Variants in INPP5B observed in about 807,000 individuals in gnomAD.
INPP5B encodes type II inositol 1,4,5-trisphosphate 5-phosphatase.
In INPP5B, 90 loss-of-function variants were observed where a neutral mutation model predicts 118.5. That is an observed-to-expected ratio of 0.76 (90% CI 0.64 to 0.90). The LOEUF is 0.90. Among genes scored for constraint, INPP5B ranks in the 40% least tolerant of loss-of-function variants. INPP5B has a pLI of 0.00. For missense variants in INPP5B, 984 were observed against 1,125.6 expected, an observed-to-expected ratio of 0.87 and a Z score of 1.80; for synonymous variants, 385 against 418.9, an observed-to-expected ratio of 0.92 and a Z score of 0.99.
intron 3 of INPP5B, 46 bp downstream of exon 3, chr1:37,945,710 A>G: frequency 6.9e-7 from 1 of 1,453,102 alleles, no homozygotes; most frequent in Non-Finnish European, 9.6e-7. Context: ...TGCAGTGATG[A>G]ACAACCCCAT....
intron 6 of INPP5B, among the ~76,000 whole-genome samples, chr1:37,932,368 T>C (rs1479757826): frequency 2.9e-4 from 40 of 137,268 alleles, no homozygotes; most frequent in African/African-American, 9.6e-4. Context: ...CTTTTCTTTT[T>C]TTTTTTTTTT....
At chr1:37,879,335 C>T (rs1643050751) in intron 15 of INPP5B, among the ~76,000 whole-genome samples, 1 of 151,646 alleles carries the variant, frequency 6.6e-6, no homozygotes, top group African/African-American at 2.4e-5. Flanking sequence ...GGTTCAAATC[C>T]TACCTGTACC....
At chr1:37,909,226 C>T (rs1644601659) in intron 7 of INPP5B, among the ~76,000 whole-genome samples, 1 of 152,114 alleles carries the variant, frequency 6.6e-6, no homozygotes, top group Admixed American at 6.5e-5. Flanking sequence ...TTTCTTCTTT[C>T]TCTCCTGTCT....
intron 7 of INPP5B, among the ~76,000 whole-genome samples, chr1:37,926,441 G>A (rs981044614): frequency 2.0e-5 from 3 of 151,970 alleles, no homozygotes; most frequent in Admixed American, 6.6e-5. Context: ...ACGCCACCAC[G>A]CCCAGCTAAT....
chr1:37,888,303 T>C lies in INPP5B; in HGVS notation c.839A>G (p.Lys280Arg), dbSNP rs769532489. The change falls in exon 10 of 24, where the codon AAA (lysine) becomes AGA (arginine). Residue 280 changes from lysine (K) to arginine (R), a missense_variant. By Grantham distance (26) the Lys-to-Arg change is conservative (BLOSUM62 2). This residue lies in a region of INPP5B where 634 missense variants were observed against 791.0 expected (regional missense o/e 0.80). Transcript: ENST00000373024. ...GTYNVNGQSPKECLRLWLSNG... is the reference protein window; with the variant it reads ...GTYNVNGQSPRECLRLWLSNG... Reference sequence around the variant, plus strand: ...GCTCAGCCACAGCCGGAGGCATTCTTTGGGGGACTGCCCATTTACATTGTA... The same window carrying C: ...GCTCAGCCACAGCCGGAGGCATTCTCTGGGGGACTGCCCATTTACATTGTA... 3 of 1,577,848 alleles carry C rather than the reference T, an allele frequency of 1.9e-6. No individual in the cohort carries two copies. The highest frequency in any genetic ancestry group is 2.4e-5 in the East Asian group (1 of 42,158).
chr1:37,876,020 C>T (rs1223805861), intron 16 of INPP5B, among the ~76,000 whole-genome samples: 2 of 152,036 alleles, frequency 1.3e-5, no homozygotes, highest in African/African-American at 4.8e-5. Context: ...TGCCCAGTAC[C>T]TAGCTCTATT....
Position 37,885,877 on chromosome 1 carries a change from A to T in INPP5B, c.1132-52T>A, listed in dbSNP as rs748458787. 12 of 1,550,542 alleles carry T rather than the reference A, an allele frequency of 7.7e-6. No individual in the cohort carries two copies. The South Asian group carries it at 1.3e-4, about 16-fold the overall frequency. On this transcript the variant is annotated intron_variant, in intron 12 of 23. Coordinates refer to ENST00000373024, the MANE Select transcript of INPP5B (RefSeq NM_005540.3). ...CAATTCAAACTTAATTGTGTCAGTC[A>T]CTTAAACCTACAAACTTTCTGGCCG...
At chr1:37,922,792 C>A (rs977695554) in intron 7 of INPP5B, among the ~76,000 whole-genome samples, 13 of 152,250 alleles carry the variant, frequency 8.5e-5, no homozygotes, top group African/African-American at 3.1e-4. Context: ...GACTGGAAAT[C>A]CAATTTGCAC....
At chr1:37,918,311 A>G (rs936515400) in intron 7 of INPP5B, among the ~76,000 whole-genome samples, 2 of 152,214 alleles carry the variant, frequency 1.3e-5, no homozygotes, top group Non-Finnish European at 2.9e-5. Context: ...AAACTGGTTC[A>G]ATTGGCATCT....
chr1:37,945,111 CAGAAAG>C (rs946406565), intron 3 of INPP5B, among the ~76,000 whole-genome samples: 9 of 150,432 alleles, frequency 6.0e-5, no homozygotes, highest in African/African-American at 2.2e-4. Context: ...GCCTGGGTGA[CAGAAAG>C]AGACCCCGTC....
In INPP5B at chr1:37,944,569, C is replaced by T. The variant is rs115539079; in HGVS notation, c.153-676G>A. On this transcript the variant is annotated intron_variant, in intron 3 of 23. Coordinates refer to ENST00000373024, the MANE Select transcript of INPP5B (RefSeq NM_005540.3). ...CCAGCCTTATTGAGCACTTTCTACA[C>T]ACCCCATGGTGTTCGTTTTTTTTTT... Among the ~76,000 whole-genome samples the T allele has an allele frequency of 5.5e-3, 834 of 151,116 alleles. 3 individuals carry two copies. Among genetic ancestry groups the T allele is most frequent in the Non-Finnish European group, 8.7e-3 (591 of 67,750 alleles).
intron 7 of INPP5B, among the ~76,000 whole-genome samples, chr1:37,909,868 C>G (rs925911187): frequency 6.6e-6 from 1 of 152,194 alleles, no homozygotes; most frequent in Non-Finnish European, 1.5e-5. Flanking sequence ...AACTTCAAAA[C>G]GCCTAAACCT....
chr1:37,869,876 A>C (rs1364536284), intron 19 of INPP5B: 2 of 152,138 alleles, frequency 1.3e-5, no homozygotes, highest in East Asian at 3.9e-4. Flanking sequence ...GAGGGAGTTC[A>C]AGACTCCCTA....
chr1:37,936,067 A>T (rs1246301599), intron 6 of INPP5B, among the ~76,000 whole-genome samples: 1 of 151,994 alleles, frequency 6.6e-6, no homozygotes, highest in East Asian at 1.9e-4. Context: ...CTCCGTATCA[A>T]AAAATAAATA....
chr1:37,863,439 C>T (rs576248917), intron 23 of INPP5B, among the ~76,000 whole-genome samples: 19 of 152,172 alleles, frequency 1.2e-4, no homozygotes, highest in Admixed American at 7.2e-4. Flanking sequence ...TGCTTGAACC[C>T]GGGTGGCGGA....
At chr1:37,912,618 C>T (rs527676243) in intron 7 of INPP5B, among the ~76,000 whole-genome samples, 30 of 152,282 alleles carry the variant, frequency 2.0e-4, no homozygotes, top group African/African-American at 6.0e-4. Flanking sequence ...TGCTGGTTTA[C>T]GCTTTTCCTC....
chr1:37,876,454 T>A (rs1264545082), intron 16 of INPP5B, among the ~76,000 whole-genome samples: 1 of 147,514 alleles, frequency 6.8e-6, no homozygotes, highest in Non-Finnish European at 1.5e-5. Flanking sequence ...GGCTCATGCC[T>A]GTAATCCCAG....
At chr1:37,920,594 G>C (rs570943083) in intron 7 of INPP5B, among the ~76,000 whole-genome samples, 1 of 151,900 alleles carries the variant, frequency 6.6e-6, no homozygotes, top group Admixed American at 6.6e-5. Context: ...GGACCCAGGA[G>C]GCGGAGGTTG....
chr1:37,880,897 A>G (rs1216432198), intron 14 of INPP5B, among the ~76,000 whole-genome samples: 2 of 152,060 alleles, frequency 1.3e-5, no homozygotes, highest in African/African-American at 4.8e-5. Context: ...CTATATTTAA[A>G]AATCTTTTAG....
Sources: allele counts gnomAD v4.1 joint callset (sites outside exome capture counted in the v4.1 genomes callset), GRCh38; gene constraint gnomAD v4.1.1; regional missense constraint gnomAD v4.1.1; transcripts MANE v1.5; gene names NCBI Gene and HGNC (gene_info 2026-07-23, HGNC 2026-07-21).